Variants in ACSM2A observed in about 807,000 individuals in gnomAD.
ACSM2A encodes the protein acyl-coenzyme A synthetase ACSM2A, mitochondrial.
Under a neutral mutation model 76.6 loss-of-function variants are expected in ACSM2A, and 72 were observed. The observed-to-expected ratio is 0.94, with a 90% CI of 0.78 to 1.14. ACSM2A has a LOEUF of 1.14. Ranked by LOEUF, ACSM2A falls within the 50% of genes most tolerant of loss-of-function variation. The pLI, the probability that ACSM2A is intolerant of heterozygous loss-of-function variation, is 0.00. For missense variants in ACSM2A, 684 were observed against 708.5 expected, an observed-to-expected ratio of 0.97 and a Z score of 0.39; for synonymous variants, 249 against 255.9, an observed-to-expected ratio of 0.97 and a Z score of 0.26.
intron 1 of ACSM2A, among the ~76,000 whole-genome samples, chr16:20,454,438 C>T (rs376386086): frequency 0.2 from 27,384 of 135,356 alleles, 2,336 homozygotes; most frequent in East Asian, 0.46. Flanking sequence ...GGCAGCATTC[C>T]CTCCCTAACC....
At position 20,486,839 on chromosome 16, in the gene ACSM2A, G is replaced by A. The variant is rs1055009; in HGVS notation, c.*161G>A. 2.4e-6 allele frequency: 2 copies of A among 837,792 alleles called. No homozygotes were observed. The highest frequency in any genetic ancestry group is 3.7e-5 in the South Asian group (2 of 53,746). 51.9% of individuals were successfully genotyped at this position (837,792 alleles called of 1,614,324 possible). On this transcript the variant is annotated 3_prime_UTR_variant, in exon 14 of 14. Coordinates refer to ENST00000573854, the MANE Select transcript of ACSM2A (RefSeq NM_001308172.2). The stretch of plus-strand genomic sequence containing the variant: ...AGCACAAAACTTTACCATGTTAGAT[G>A]TTGAAAGAAGAAAGGGAAGGAATGA...
chr16:20,456,863 G>A (rs1596638606), intron 1 of ACSM2A, among the ~76,000 whole-genome samples: 1 of 149,814 alleles, frequency 6.7e-6, no homozygotes, highest in African/African-American at 2.5e-5. Flanking sequence ...ACAAAATCTG[G>A]TTCTTTGAAA....
intron 13 of ACSM2A, among the ~76,000 whole-genome samples, chr16:20,483,903 C>T (rs1002578966): frequency 8.6e-5 from 13 of 152,044 alleles, no homozygotes; most frequent in Admixed American, 6.5e-5. Flanking sequence ...AGGATGTGGT[C>T]AGGTGTCTCT....
intron 13 of ACSM2A, among the ~76,000 whole-genome samples, chr16:20,485,342 C>A (rs554738348): frequency 6.6e-6 from 1 of 152,150 alleles, no homozygotes; most frequent in East Asian, 1.9e-4. Flanking sequence ...CTCAAGGCAG[C>A]GGATTATTTG....
chr16:20,466,179 T>C (rs1214633306), intron 3 of ACSM2A, among the ~76,000 whole-genome samples: 1 of 151,932 alleles, frequency 6.6e-6, no homozygotes, highest in Non-Finnish European at 1.5e-5. Context: ...ACTTGAGTAG[T>C]TGGAACAAGA....
chr16:20,465,039 C>T (rs557029003), intron 2 of ACSM2A, among the ~76,000 whole-genome samples: 7 of 152,184 alleles, frequency 4.6e-5, no homozygotes, highest in East Asian at 1.9e-4. Flanking sequence ...AATTCTTTCA[C>T]GAGTATACAA....
At chr16:20,468,976 C>A (rs1005281455) in intron 3 of ACSM2A, among the ~76,000 whole-genome samples, 1 of 152,142 alleles carries the variant, frequency 6.6e-6, no homozygotes, top group Non-Finnish European at 1.5e-5. Flanking sequence ...AATTATAATA[C>A]CACTTTGTAC....
chr16:20,471,777 T>G, intron 6 of ACSM2A, 88 bp downstream of exon 6: 1 of 1,541,816 alleles, frequency 6.5e-7, no homozygotes, highest in Non-Finnish European at 8.8e-7. Flanking sequence ...TCAATTCATC[T>G]AATTTTTGCT....
rs1313568324 is a variant in ACSM2A at position 20,471,390 on chromosome 16, T to C, written c.741-146T>C. 5.4e-6 allele frequency: 8 copies of C among 1,481,956 alleles called. No individual in the cohort carries two copies. In the East Asian group the frequency reaches 6.8e-5, roughly 13 times the overall value. 91.8% of individuals were successfully genotyped at this position (1,481,956 alleles called of 1,614,324 possible). Reference sequence around the variant, plus strand: ...AACTTTTCTTCCCCCTTCCTACTTATACATAGACATATGCCTATAAACCTG... The same window carrying C: ...AACTTTTCTTCCCCCTTCCTACTTACACATAGACATATGCCTATAAACCTG... On this transcript the variant is annotated intron_variant, in intron 5 of 13. Coordinates refer to ENST00000573854, the MANE Select transcript of ACSM2A (RefSeq NM_001308172.2).
chr16:20,461,361 T>A (rs557440533), intron 2 of ACSM2A, among the ~76,000 whole-genome samples: 47 of 152,294 alleles, frequency 3.1e-4, no homozygotes, highest in Non-Finnish European at 2.4e-4. Context: ...ATTTCTGGAT[T>A]TTTTAAAGTT....
intron 2 of ACSM2A, 128 bp downstream of exon 2, chr16:20,460,419 C>T: frequency 2.0e-6 from 3 of 1,477,406 alleles, no homozygotes; most frequent in South Asian, 2.8e-5. Flanking sequence ...ATGGACAAGA[C>T]ACTCGTCTTC....
Position 20,458,913 on chromosome 16 carries a change from T to TATATAC in ACSM2A, c.-8-1189_-8-1188insCATATA, listed in dbSNP as rs1555497733. Among the ~76,000 whole-genome samples, 7 of 59,622 alleles carry TATATAC rather than the reference T, an allele frequency of 1.2e-4. No homozygotes were observed. The East Asian group carries it at 9.3e-3, about 79-fold the overall frequency. The allele number at this position is 59,622 out of a possible 152,430, so 39.1% of individuals were successfully genotyped here. On this transcript the variant is annotated intron_variant, in intron 1 of 13. Coordinates refer to ENST00000573854, the MANE Select transcript of ACSM2A (RefSeq NM_001308172.2). ...TATATTATATATATATGCATATATATATATATATATATATATATACATATA... is the reference window on the plus strand; with the variant it reads ...TATATTATATATATATGCATATATATATATACATATATATATATATATATACATATA...
intron 3 of ACSM2A, among the ~76,000 whole-genome samples, chr16:20,467,580 G>C (rs118158193): frequency 3.3e-5 from 5 of 152,052 alleles, no homozygotes; most frequent in Admixed American, 6.5e-5. Flanking sequence ...CTAATAACAG[G>C]GTTATTCAAA....
At chr16:20,455,830 A>T (rs1421214320) in intron 1 of ACSM2A, among the ~76,000 whole-genome samples, 1 of 151,816 alleles carries the variant, frequency 6.6e-6, no homozygotes, top group South Asian at 2.1e-4. Context: ...AAACGGCCTA[A>T]GTACTCCATT....
At position 20,465,652 on chromosome 16, in the gene ACSM2A, C is replaced by G; in HGVS notation, c.313C>G (p.Arg105Gly). 1 of 1,613,944 alleles carries G rather than the reference C, an allele frequency of 6.2e-7. No individual in the cohort carries two copies. Among genetic ancestry groups the G allele is most frequent in the Non-Finnish European group, 8.5e-7 (1 of 1,179,856 alleles). Residue 105 changes from arginine to glycine, a missense_variant, in exon 3 of 14, where the codon CGT becomes GGT. Physicochemically the swap from Arg to Gly is moderately radical, Grantham distance 125 (BLOSUM62 -2). Coordinates refer to ENST00000573854, the MANE Select transcript of ACSM2A (RefSeq NM_001308172.2). ...CCTCTCGGGAGCCTGTGGCCTGCAGCGTGGGGATCGTGTGGCAGTGGTGCT... is the reference window on the plus strand; with the variant it reads ...CCTCTCGGGAGCCTGTGGCCTGCAGGGTGGGGATCGTGTGGCAGTGGTGCT... ...NVLSGACGLQ[R>G]GDRVAVVLPR...
At chr16:20,482,456 T>C (rs992867325) in intron 12 of ACSM2A, 1 of 151,908 alleles carries the variant, frequency 6.6e-6, no homozygotes, top group African/African-American at 2.4e-5. Context: ...TGTAGGAAAA[T>C]ATTAAGGTGG....
At chr16:20,480,393 G>T (rs547058846) in intron 10 of ACSM2A, among the ~76,000 whole-genome samples, 180 bp from the exon 11 acceptor site, 1 of 152,210 alleles carries the variant, frequency 6.6e-6, no homozygotes, top group South Asian at 2.1e-4. Context: ...CAATAAATGG[G>T]AAAGATCCAG....
chr16:20,481,128 G>T (rs1229604252), intron 12 of ACSM2A: 4 of 626,012 alleles, frequency 6.4e-6, no homozygotes, highest in Non-Finnish European at 1.1e-5. Context: ...TGTTATGAGG[G>T]TTAAATGTGC....
intron 9 of ACSM2A, 29 bp downstream of exon 9, chr16:20,477,478 A>C (rs751546907): frequency 3.2e-5 from 51 of 1,581,904 alleles, no homozygotes; most frequent in Non-Finnish European, 4.0e-5. Flanking sequence ...GGAGGGAGGA[A>C]GTTAGGGGAA....
Sources: allele counts gnomAD v4.1 joint callset (sites outside exome capture counted in the v4.1 genomes callset), GRCh38; gene constraint gnomAD v4.1.1; transcripts MANE v1.5; gene names NCBI Gene and HGNC (gene_info 2026-07-23, HGNC 2026-07-21).